The following AP3S1 variants were observed in gnomAD, a reference collection of about 807,000 sequenced individuals.
AP3S1 encodes the protein adaptor related protein complex 3 subunit sigma 1.
In AP3S1, 12 loss-of-function variants were observed where a neutral mutation model predicts 21.3. The observed-to-expected ratio is 0.56, with a 90% CI of 0.36 to 0.91. AP3S1 has a LOEUF of 0.91. Ranked by LOEUF, AP3S1 falls within the 40% of genes least tolerant of loss-of-function variation. The pLI, the probability that AP3S1 is intolerant of heterozygous loss-of-function variation, is 0.01. For missense variants in AP3S1, 116 were observed against 225.0 expected, an observed-to-expected ratio of 0.52 and a Z score of 3.10; for synonymous variants, 48 against 78.4, an observed-to-expected ratio of 0.61 and a Z score of 2.05.
At chr5:115,848,090 G>C (rs1414472373) in intron 1 of AP3S1, among the ~76,000 whole-genome samples, 1 of 152,086 alleles carries the variant, frequency 6.6e-6, no homozygotes, top group African/African-American at 2.4e-5. Flanking sequence ...ATAGGACAAT[G>C]TTATAGGTCA....
At chr5:115,896,000 G>A (rs1020859678) in intron 4 of AP3S1, among the ~76,000 whole-genome samples, 13 of 152,100 alleles carry the variant, frequency 8.5e-5, no homozygotes, top group African/African-American at 3.1e-4. Flanking sequence ...ACTATGTGCA[G>A]ATTTTTTTCT....
chr5:115,844,986 A>G (rs983039255), intron 1 of AP3S1, among the ~76,000 whole-genome samples: 6 of 152,188 alleles, frequency 3.9e-5, no homozygotes, highest in African/African-American at 1.4e-4. Context: ...AGAATCTCCT[A>G]GCTTGGGATA....
At chr5:115,867,076 G>T (rs1417508709) in intron 2 of AP3S1, among the ~76,000 whole-genome samples, 1 of 152,020 alleles carries the variant, frequency 6.6e-6, no homozygotes, top group African/African-American at 2.4e-5. Context: ...CCAATTTCTT[G>T]TGTATCCTTC....
chr5:115,862,819 C>A (rs923735278), intron 1 of AP3S1, among the ~76,000 whole-genome samples: 1 of 152,124 alleles, frequency 6.6e-6, no homozygotes, highest in African/African-American at 2.4e-5. Flanking sequence ...TGAAGTGCTA[C>A]TAGTGATGTT....
intron 1 of AP3S1, among the ~76,000 whole-genome samples, chr5:115,865,258 T>C (rs578227528): frequency 6.6e-6 from 1 of 152,270 alleles, no homozygotes; most frequent in East Asian, 1.9e-4. Context: ...ATATATTTTC[T>C]CTTATGATTT....
chr5:115,870,358 T>C (rs1283371614), intron 3 of AP3S1, among the ~76,000 whole-genome samples: 3 of 152,182 alleles, frequency 2.0e-5, no homozygotes, highest in African/African-American at 7.2e-5. Flanking sequence ...CTCATGTAAG[T>C]TACAGCAAGG....
intron 1 of AP3S1, among the ~76,000 whole-genome samples, chr5:115,845,492 T>A (rs1761987742): frequency 6.6e-6 from 1 of 152,080 alleles, no homozygotes; most frequent in African/African-American, 2.4e-5. Flanking sequence ...GCGCACCTGT[T>A]TTGCTAAACA....
intron 1 of AP3S1, among the ~76,000 whole-genome samples, chr5:115,855,017 TTATA>T (rs1288519154): frequency 7.5e-6 from 1 of 132,640 alleles, no homozygotes. Flanking sequence ...TGTATATATT[TTATA>T]TCTATCTATC....
intron 3 of AP3S1, among the ~76,000 whole-genome samples, chr5:115,893,545 T>C (rs573074595): frequency 6.6e-6 from 1 of 152,224 alleles, no homozygotes; most frequent in Non-Finnish European, 1.5e-5. Context: ...CCTGGAAGGC[T>C]GGAGTCCCTA....
chr5:115,860,911 G>A lies in AP3S1; in HGVS notation c.70-5759G>A, dbSNP rs537952320. Among the ~76,000 whole-genome samples, 6 of 152,234 alleles carry A rather than the reference G, an allele frequency of 3.9e-5. No individual in the cohort carries two copies. The South Asian group carries it at 1.2e-3, about 32-fold the overall frequency. On this transcript the variant is annotated intron_variant, in intron 1 of 5. Transcript: ENST00000316788. ...GCCTTAACTTTATTGCCTTTTTTAT[G>A]TGTAAGGTAACCCAGATTTTGGATA...
chr5:115,861,632 G>GT (rs528168014), intron 1 of AP3S1, among the ~76,000 whole-genome samples: 1,744 of 152,094 alleles, frequency 0.011, 12 homozygotes, highest in Non-Finnish European at 0.016. Context: ...TTGGCTCACT[G>GT]TAACCTCCAC....
At chr5:115,863,208 C>T (rs1214459685) in intron 1 of AP3S1, among the ~76,000 whole-genome samples, 1 of 151,916 alleles carries the variant, frequency 6.6e-6, no homozygotes, top group Non-Finnish European at 1.5e-5. Flanking sequence ...ACCAGCCTGG[C>T]CAATATGGTG....
intron 5 of AP3S1, among the ~76,000 whole-genome samples, chr5:115,908,509 C>T (rs1202097980): frequency 6.6e-6 from 1 of 152,024 alleles, no homozygotes; most frequent in African/African-American, 2.4e-5. Context: ...TGGTGAGAAC[C>T]CTTGAGGTCA....
At chr5:115,897,593 G>A (rs1012442996) in intron 4 of AP3S1, among the ~76,000 whole-genome samples, 10 of 151,186 alleles carry the variant, frequency 6.6e-5, no homozygotes, top group Admixed American at 3.3e-4. Context: ...ATGGAGTCTC[G>A]CTCTGTCACC....
At chr5:115,910,823 G>A (rs547651080) in intron 5 of AP3S1, among the ~76,000 whole-genome samples, 5 of 151,822 alleles carry the variant, frequency 3.3e-5, no homozygotes, top group Admixed American at 6.6e-5. Context: ...TTTTTAAAAC[G>A]TTAGTTTAAT....
At position 115,902,865 on chromosome 5, in the gene AP3S1, T is replaced by C; in HGVS notation, c.346-20T>C. 1 of 1,537,440 alleles carries C rather than the reference T, an allele frequency of 6.5e-7. No individual in the cohort carries two copies. Among genetic ancestry groups the C allele is most frequent in the Non-Finnish European group, 8.8e-7 (1 of 1,131,238 alleles). ...TTAGTGAATTTTCTTTATGGGTATA[T>C]ATTCTTTTATTCCCTTTAGGTTCAC... On this transcript the variant is annotated intron_variant, in intron 4 of 5. Coordinates refer to ENST00000316788, the MANE Select transcript of AP3S1 (RefSeq NM_001284.4).
chr5:115,909,827 CTG>C lies in AP3S1; in HGVS notation c.454-3531_454-3530del, dbSNP rs151220134. ...CAAAACCCCCAGTGGATGCCTGAAA[CTG>C]TGTATACTACTGAACCTTATATATG... On this transcript the variant is annotated intron_variant, in intron 5 of 5. Transcript: ENST00000316788. Among the ~76,000 whole-genome samples, 1,020 of 152,258 alleles carry C rather than the reference CTG, an allele frequency of 6.7e-3. 14 individuals carry two copies. Among genetic ancestry groups the C allele is most frequent in the African/African-American group, 0.024 (987 of 41,544 alleles).
intron 3 of AP3S1, among the ~76,000 whole-genome samples, chr5:115,884,897 AAC>A (rs888141674): frequency 1.8e-4 from 27 of 152,276 alleles, no homozygotes; most frequent in African/African-American, 6.5e-4. Flanking sequence ...ATTCTTTACT[AAC>A]ACACTGATAG....
chr5:115,911,573 A>G (rs1752114377), intron 5 of AP3S1, among the ~76,000 whole-genome samples: 1 of 152,076 alleles, frequency 6.6e-6, no homozygotes, highest in African/African-American at 2.4e-5. Context: ...GCAATTTTGT[A>G]AATTTTTCTT....
Sources: allele counts gnomAD v4.1 joint callset (sites outside exome capture counted in the v4.1 genomes callset), GRCh38; gene constraint gnomAD v4.1.1; transcripts MANE v1.5; gene names NCBI Gene and HGNC (gene_info 2026-07-23, HGNC 2026-07-21).